Variants in SLC14A2 observed in about 807,000 individuals in gnomAD.
The protein encoded by SLC14A2 is urea transporter 2.
SLC14A2 carries 91 observed loss-of-function variants against 104.6 expected under a neutral mutation model. The ratio of observed to expected loss-of-function variants is 0.87; its 90% CI spans 0.73 to 1.04. The LOEUF is 1.04. Among genes scored for constraint, SLC14A2 ranks in the 50% least tolerant of loss-of-function variants. The probability of loss-of-function intolerance (pLI) is 0.00; values close to 1 mark genes in which losing one functional copy is unlikely to be tolerated. For synonymous variants in SLC14A2, 476 were observed against 466.4 expected (o/e 1.02, Z -0.27); for missense variants, 1,189 against 1,156.0 (o/e 1.03, Z -0.41).
chr18:45,364,070 C>T (rs1305369253), intron 1 of SLC14A2, among the ~76,000 whole-genome samples: 8 of 152,248 alleles, frequency 5.3e-5, no homozygotes, highest in East Asian at 1.9e-4. Flanking sequence ...AAAGCTTTCC[C>T]GTCTCACCTG....
At chr18:45,345,821 GAAAT>G (rs1013551847) in intron 1 of SLC14A2, among the ~76,000 whole-genome samples, 6 of 152,088 alleles carry the variant, frequency 3.9e-5, no homozygotes, top group African/African-American at 1.4e-4. Flanking sequence ...TAATCCAGAG[GAAAT>G]ACTTACCTGA....
At chr18:45,621,012 T>C (rs2045157266) in intron 1 of SLC14A2, among the ~76,000 whole-genome samples, 2 of 152,202 alleles carry the variant, frequency 1.3e-5, no homozygotes, top group Non-Finnish European at 2.9e-5. Context: ...ACAAGGCCTT[T>C]CCGGAACATA....
intron 1 of SLC14A2, among the ~76,000 whole-genome samples, chr18:45,404,460 A>G (rs544221676): frequency 1.3e-5 from 2 of 152,134 alleles, no homozygotes; most frequent in Non-Finnish European, 2.9e-5. Context: ...TTAGTAATGA[A>G]GTGTCTCCCT....
chr18:45,586,804 C>G (rs1050204349), intron 2 of SLC14A2, among the ~76,000 whole-genome samples: 6 of 151,998 alleles, frequency 3.9e-5, no homozygotes, highest in African/African-American at 1.5e-4. Context: ...TCCCACAGAC[C>G]ACACCCTTCC....
intron 1 of SLC14A2, among the ~76,000 whole-genome samples, chr18:45,468,395 CTA>C (rs1053741677): frequency 7.9e-5 from 12 of 151,912 alleles, no homozygotes; most frequent in African/African-American, 2.9e-4. Flanking sequence ...ATTTAATCAT[CTA>C]GAGTTCTGGA....
chr18:45,524,979 A>C (rs2043572075), intron 2 of SLC14A2, among the ~76,000 whole-genome samples: 1 of 152,204 alleles, frequency 6.6e-6, no homozygotes, highest in Non-Finnish European at 1.5e-5. Flanking sequence ...GTTGAAGTCA[A>C]ATTTGAAACT....
intron 1 of SLC14A2, among the ~76,000 whole-genome samples, chr18:45,305,297 A>G (rs1357560939): frequency 6.6e-6 from 1 of 152,186 alleles, no homozygotes; most frequent in East Asian, 1.9e-4. Context: ...TCAAACCAAT[A>G]CAACTGTTTA....
chr18:45,482,826 G>T (rs1052567526), intron 1 of SLC14A2, among the ~76,000 whole-genome samples: 1 of 152,146 alleles, frequency 6.6e-6, no homozygotes, highest in African/African-American at 2.4e-5. Flanking sequence ...GAACACAAGG[G>T]GGTGGGGATC....
chr18:45,596,606 G>A (rs910319296), intron 2 of SLC14A2, among the ~76,000 whole-genome samples: 5 of 152,202 alleles, frequency 3.3e-5, no homozygotes, highest in Admixed American at 3.3e-4. Flanking sequence ...CCATCAGGAA[G>A]GGCAGCTGGA....
chr18:45,327,802 G>GGT (rs200458214), intron 1 of SLC14A2, among the ~76,000 whole-genome samples: 3,042 of 152,220 alleles, frequency 0.02, 38 homozygotes, highest in Middle Eastern at 0.031. Flanking sequence ...TCATTGGTTG[G>GGT]GTGTGATGTA....
At chr18:45,191,835 A>G in the SLC14A2 span, among the ~76,000 whole-genome samples, 5 of 152,186 alleles carry the variant, frequency 3.3e-5, no homozygotes. Flanking sequence ...GAAAAAAATC[A>G]TGAGTAGATC....
intron 1 of SLC14A2, among the ~76,000 whole-genome samples, chr18:45,217,801 A>G (rs2143983602): frequency 6.6e-6 from 1 of 152,272 alleles, no homozygotes; most frequent in East Asian, 1.9e-4. Flanking sequence ...AAAACTTAGG[A>G]TGTTAAAATT....
At chr18:45,604,359 A>G (rs2044835264) in intron 2 of SLC14A2, among the ~76,000 whole-genome samples, 2 of 152,232 alleles carry the variant, frequency 1.3e-5, no homozygotes, top group South Asian at 4.1e-4. Context: ...TGTATGGTAC[A>G]TAATATTTAC....
intron 2 of SLC14A2, among the ~76,000 whole-genome samples, chr18:45,538,079 A>G (rs937545011): frequency 6.6e-6 from 1 of 152,192 alleles, no homozygotes; most frequent in African/African-American, 2.4e-5. Flanking sequence ...GGGTTTGCCA[A>G]TGGAGTTTGT....
At chr18:45,388,804 G>A (rs1394292347) in intron 1 of SLC14A2, among the ~76,000 whole-genome samples, 1 of 152,150 alleles carries the variant, frequency 6.6e-6, no homozygotes, top group Non-Finnish European at 1.5e-5. Flanking sequence ...GTCGCTGAAG[G>A]CCACAGGTGC....
the SLC14A2 span, among the ~76,000 whole-genome samples, chr18:45,169,647 TCTC>T: frequency 6.6e-6 from 1 of 152,208 alleles, no homozygotes; most frequent in Admixed American, 6.5e-5. Context: ...GACCATTTCT[TCTC>T]CACCATACTT....
intron 1 of SLC14A2, among the ~76,000 whole-genome samples, chr18:45,429,706 G>C (rs2086485271): frequency 6.6e-6 from 1 of 152,190 alleles, no homozygotes; most frequent in African/African-American, 2.4e-5. Flanking sequence ...GGGAAAGAAA[G>C]ACAGAAGTGC....
rs1189766348 is a variant in SLC14A2 at position 45,558,463 on chromosome 18, G to C, written c.-34-66168G>C. On this transcript the variant is annotated intron_variant, in intron 2 of 20. Coordinates refer to the SLC14A2 transcript ENST00000586448. ...CACTGGTAAGGAGGGCCATGTGGGA[G>C]CTCATACTGGACTGTGAGTTTGTGT... is the stretch of plus-strand genomic sequence containing the variant. Among the ~76,000 whole-genome samples the C allele has an allele frequency of 2.6e-5, 4 of 152,238 alleles. No individual in the cohort carries two copies. The East Asian group carries it at 7.7e-4, about 29-fold the overall frequency.
chr18:45,649,901 G>A (rs1275862328), intron 10 of SLC14A2, among the ~76,000 whole-genome samples: 1 of 152,166 alleles, frequency 6.6e-6, no homozygotes, highest in Non-Finnish European at 1.5e-5. Context: ...TCGGAGTTCG[G>A]GAATTTTATG....
Sources: allele counts gnomAD v4.1 joint callset (sites outside exome capture counted in the v4.1 genomes callset), GRCh38; gene constraint gnomAD v4.1.1; transcripts MANE v1.5; gene names NCBI Gene and HGNC (gene_info 2026-07-23, HGNC 2026-07-21).